The following COL4A5 variants were observed in gnomAD, a reference collection of about 807,000 sequenced individuals.
The protein encoded by COL4A5 is collagen type IV alpha 5 chain.
In COL4A5, 26 loss-of-function variants were observed where a neutral mutation model predicts 130.2. The ratio of observed to expected loss-of-function variants is 0.20; its 90% CI spans 0.15 to 0.28. COL4A5 has a LOEUF of 0.28. Ranked by LOEUF, COL4A5 falls within the 10% of genes least tolerant of loss-of-function variation. COL4A5 has a pLI of 1.00. For missense variants in COL4A5, 1,131 were observed against 1,344.3 expected (o/e 0.84, Z 2.48); for synonymous variants, 496 against 439.6 (o/e 1.13, Z -1.60).
chrX:108,651,300 G>T (rs185565746), intron 36 of COL4A5, among the ~76,000 whole-genome samples: 3 of 111,806 alleles, frequency 2.7e-5, no homozygotes, highest in East Asian at 2.8e-4. Flanking sequence ...ACATTGAATT[G>T]TACACTTTAA....
At chrX:108,695,607 C>A in intron 52 of COL4A5, 168 bp downstream of exon 52, 1 of 517,818 alleles carries the variant, frequency 1.9e-6, no homozygotes, top group Non-Finnish European at 3.2e-6. Context: ...GTCAGAAAAA[C>A]AGACTTGATT....
chrX:108,683,420 A>C (rs758438616), intron 47 of COL4A5, among the ~76,000 whole-genome samples: 3 of 111,412 alleles, frequency 2.7e-5, no homozygotes, highest in Non-Finnish European at 3.8e-5. Context: ...TTTTTTTCTA[A>C]TTCTGTAAAG....
intron 1 of COL4A5, among the ~76,000 whole-genome samples, chrX:108,511,498 C>T (rs1246511269): frequency 2.7e-5 from 3 of 111,148 alleles, no homozygotes; most frequent in Admixed American, 1.9e-4. Flanking sequence ...GTAAGAGATC[C>T]GGAATAGTCA....
chrX:108,481,624 G>A (rs950615741), intron 1 of COL4A5, among the ~76,000 whole-genome samples: 7 of 111,647 alleles, frequency 6.3e-5, no homozygotes, highest in South Asian at 3.8e-4. Context: ...TTGCTGCTTC[G>A]CTTTTGCTGT....
Position 108,598,828 on chromosome X carries a change from A to G in COL4A5, c.1906A>G (p.Ile636Val), listed in dbSNP as rs1388692249. The G allele has an allele frequency of 8.3e-7, 1 of 1,211,844 alleles. No individual in the cohort carries two copies. Among genetic ancestry groups the G allele is most frequent in the Admixed American group, 2.2e-5 (1 of 46,089 alleles). The change falls in exon 25 of 53, where the codon ATA becomes GTA. Residue 636 changes from isoleucine (I) to valine (V), a missense_variant. By Grantham distance (29) the Ile-to-Val change is conservative. Coordinates refer to ENST00000328300, the MANE Select transcript of COL4A5 (RefSeq NM_033380.3). The stretch of plus-strand genomic sequence containing the variant: ...TCCAGGCCCAGTAGGTGAAAAAGGC[A>G]TACAAGGTGTGGCAGGAAATCCAGG... ...GPPGPVGEKG[I>V]QGVAGNPGQP...
In COL4A5 at chrX:108,440,079, C is replaced by G. The variant is rs2064370226; in HGVS notation, c.-47C>G. ...ATTATGTCAATTGGTTAGAGCCAGC[C>G]GGGAATTTCGTGCGGGTGCTGAAGG... is the stretch of plus-strand genomic sequence containing the variant. On this transcript the variant is annotated 5_prime_UTR_variant, in exon 1 of 53. Coordinates refer to ENST00000328300, the MANE Select transcript of COL4A5 (RefSeq NM_033380.3). The G allele has an allele frequency of 9.7e-7, 1 of 1,036,225 alleles. No homozygotes were observed. Among genetic ancestry groups the G allele is most frequent in the Non-Finnish European group, 1.4e-6 (1 of 739,418 alleles). 85.4% of individuals were successfully genotyped at this position (1,036,225 alleles called of 1,213,427 possible). A position where few individuals can be genotyped will look rare whatever the true frequency, so the allele number is the denominator to read the frequency against.
intron 13 of COL4A5, among the ~76,000 whole-genome samples, chrX:108,578,793 C>T (rs1351496253): frequency 1.8e-5 from 2 of 108,363 alleles, no homozygotes; most frequent in Non-Finnish European, 3.8e-5. Context: ...GATTCTCCTG[C>T]CTCAGCTTCC....
chrX:108,547,654 A>G (rs1299419742), intron 2 of COL4A5, among the ~76,000 whole-genome samples: 1 of 111,723 alleles, frequency 9.0e-6, no homozygotes, highest in Non-Finnish European at 1.9e-5. Context: ...AGGGACATGT[A>G]AGTCTGCAGA....
rs773912663 is a variant in COL4A5 at position 108,681,919 on chromosome X, A to C, written c.4216+31A>C. On this transcript the variant is annotated intron_variant, in intron 47 of 52. Coordinates refer to ENST00000328300, the MANE Select transcript of COL4A5 (RefSeq NM_033380.3). ...AATGCAGATCATCTTTATTATCATT[A>C]TTATACTTTTAATTTCTGGGATACA... The C allele has an allele frequency of 5.1e-6, 6 of 1,170,924 alleles. No individual in the cohort carries two copies. In the Admixed American group the frequency reaches 8.8e-5, roughly 17 times the overall value.
chrX:108,489,719 G>A (rs779961847), intron 1 of COL4A5, among the ~76,000 whole-genome samples: 6 of 111,595 alleles, frequency 5.4e-5, no homozygotes, highest in Non-Finnish European at 1.1e-4. Flanking sequence ...AACCATCAGA[G>A]TCCTGCTTTA....
intron 1 of COL4A5, among the ~76,000 whole-genome samples, chrX:108,469,285 C>T (rs1332160964): frequency 1.4e-4 from 15 of 106,220 alleles, no homozygotes; most frequent in African/African-American, 5.2e-4. Flanking sequence ...ACTACAGGCA[C>T]CTGTCACTGT....
chrX:108,623,371 A>G (rs2147867196), intron 33 of COL4A5, among the ~76,000 whole-genome samples: 1 of 111,843 alleles, frequency 8.9e-6, no homozygotes, highest in African/African-American at 3.2e-5. Context: ...GATCTAGGGA[A>G]CAATTGTGTC....
intron 50 of COL4A5, among the ~76,000 whole-genome samples, chrX:108,693,462 C>T (rs1326177477): frequency 9.0e-6 from 1 of 111,505 alleles, no homozygotes; most frequent in East Asian, 2.8e-4. Flanking sequence ...GTAAAGTTAG[C>T]TTGGGCCCAG....
intron 35 of COL4A5, among the ~76,000 whole-genome samples, 172 bp downstream of exon 35, chrX:108,625,966 G>A (rs1003217416): frequency 1.1e-4 from 12 of 111,534 alleles, no homozygotes; most frequent in African/African-American, 3.6e-4. Context: ...GGGAATTAAG[G>A]GACAAAATTG....
At chrX:108,595,950 G>C (rs915334828) in intron 22 of COL4A5, among the ~76,000 whole-genome samples, 7 of 111,744 alleles carry the variant, frequency 6.3e-5, no homozygotes, top group Non-Finnish European at 1.3e-4. Context: ...GTTTCCAGTG[G>C]CAGAGATTCC....
intron 1 of COL4A5, among the ~76,000 whole-genome samples, chrX:108,487,736 C>T (rs1603254469): frequency 8.9e-6 from 1 of 112,258 alleles, no homozygotes; most frequent in South Asian, 3.7e-4. Flanking sequence ...AATGTTGTTT[C>T]TCTGACCAAA....
chrX:108,607,413 A>G (rs1035369016), intron 29 of COL4A5, among the ~76,000 whole-genome samples: 3 of 108,438 alleles, frequency 2.8e-5, no homozygotes, highest in African/African-American at 1.0e-4. Flanking sequence ...CTTCCTTCCA[A>G]CCCATCTTCA....
chrX:108,695,033 C>A, intron 51 of COL4A5, 112 bp downstream of exon 51: 1 of 690,004 alleles, frequency 1.4e-6, no homozygotes, highest in East Asian at 3.3e-5. Context: ...GCTTAAACTT[C>A]AAACAGCTTC....
chrX:108,564,780 G>A (rs1013977508), intron 4 of COL4A5, among the ~76,000 whole-genome samples: 9 of 111,596 alleles, frequency 8.1e-5, no homozygotes, highest in Non-Finnish European at 1.5e-4. Flanking sequence ...ATGTTTACGT[G>A]TGTGACAAAG....
Sources: allele counts gnomAD v4.1 joint callset (sites outside exome capture counted in the v4.1 genomes callset), GRCh38; gene constraint gnomAD v4.1.1; transcripts MANE v1.5; gene names NCBI Gene and HGNC (gene_info 2026-07-23, HGNC 2026-07-21).